DNAJC5: variants seen among roughly 807,000 people sequenced by gnomAD.
DNAJC5 encodes DnaJ heat shock protein family (Hsp40) member C5.
Under a neutral mutation model 23.2 loss-of-function variants are expected in DNAJC5, and 1 was observed. That is an observed-to-expected ratio of 0.04 (90% CI 0.02 to 0.20). DNAJC5 has a LOEUF of 0.20. DNAJC5 is among the 10% of genes least tolerant of loss of function. DNAJC5 has a pLI of 1.00. For synonymous variants in DNAJC5, 136 were observed against 120.0 expected (o/e 1.13, Z -0.87); for missense variants, 180 against 267.0 (o/e 0.67, Z 2.27).
Position 63,923,762 on chromosome 20 carries a change from G to C in DNAJC5, c.-11-4573G>C, listed in dbSNP as rs147241600. Among the ~76,000 whole-genome samples, 369 of 152,302 alleles carry C rather than the reference G, an allele frequency of 2.4e-3. 1 individual carries two copies. Among genetic ancestry groups the C allele is most frequent in the African/African-American group, 7.9e-3 (330 of 41,568 alleles). On this transcript the variant is annotated intron_variant, in intron 1 of 4. Coordinates refer to ENST00000360864, the MANE Select transcript of DNAJC5 (RefSeq NM_025219.3). ...TAACATTTTCTCAGCTTTATGTGTT[G>C]AGTGATTTTGGATTCTATCCTGAAA...
intron 1 of DNAJC5, among the ~76,000 whole-genome samples, chr20:63,918,449 G>T (rs1031692815): frequency 1.3e-5 from 2 of 152,198 alleles, no homozygotes; most frequent in African/African-American, 4.8e-5. Context: ...GGATAAACAT[G>T]AGGTAATTTT....
rs34011099 is a variant in DNAJC5 at position 63,913,012 on chromosome 20, A to AT, written c.-11-15311dup. On this transcript the variant is annotated intron_variant, in intron 1 of 4. Coordinates refer to ENST00000360864, the MANE Select transcript of DNAJC5 (RefSeq NM_025219.3). ...ATTTTTCGTATTTGTATTTTTAGCA[A>AT]TTTTTTTTTTTTGTATAGAATGAGC... Among the ~76,000 whole-genome samples the AT allele has an allele frequency of 8.6e-3, 1,248 of 144,564 alleles. 17 individuals carry two copies. The highest frequency in any genetic ancestry group is 0.048 in the East Asian group (239 of 4,940). 94.8% of individuals were successfully genotyped at this position (144,564 alleles called of 152,430 possible).
At chr20:63,913,427 C>T (rs1262430745) in intron 1 of DNAJC5, among the ~76,000 whole-genome samples, 3 of 150,972 alleles carry the variant, frequency 2.0e-5, no homozygotes, top group East Asian at 1.9e-4. Context: ...GACAGAGTCT[C>T]GCTCTGTTGC....
intron 1 of DNAJC5, among the ~76,000 whole-genome samples, chr20:63,896,320 G>T (rs1167318336): frequency 6.6e-6 from 1 of 152,202 alleles, no homozygotes; most frequent in Non-Finnish European, 1.5e-5. Context: ...GAAATTAGAA[G>T]CCTGGATCTA....
intron 1 of DNAJC5, among the ~76,000 whole-genome samples, chr20:63,915,115 TG>T (rs762703874): frequency 6.6e-6 from 1 of 152,146 alleles, no homozygotes; most frequent in Non-Finnish European, 1.5e-5. Flanking sequence ...CCTGGGGCAC[TG>T]GGTGGGCCTC....
chr20:63,904,845 C>T lies in DNAJC5; in HGVS notation c.-12+9522C>T, dbSNP rs192829091. ...TGAGACAAAGTCTCGCTGTTGTACC[C>T]CAGGCTGGAGTGCAACGGCGCGATC... On this transcript the variant is annotated intron_variant, in intron 1 of 4. Transcript: ENST00000360864. 9.8e-5 allele frequency among the ~76,000 whole-genome samples: 15 copies of T among 152,296 alleles called. No homozygotes were observed. In the East Asian group the frequency reaches 1.7e-3, roughly 18 times the overall value.
At chr20:63,925,438 A>G (rs1447343973) in intron 1 of DNAJC5, among the ~76,000 whole-genome samples, 2 of 152,162 alleles carry the variant, frequency 1.3e-5, no homozygotes, top group African/African-American at 4.8e-5. Flanking sequence ...AACTGAGGTC[A>G]CACCACTGCA....
At chr20:63,915,724 G>T (rs6062582) in intron 1 of DNAJC5, among the ~76,000 whole-genome samples, 8,322 of 152,230 alleles carry the variant, frequency 0.055, 445 homozygotes, top group East Asian at 0.23. Flanking sequence ...TTGGCACACC[G>T]CCTCAGGCTG....
chr20:63,922,645 C>T (rs1335947971), intron 1 of DNAJC5, among the ~76,000 whole-genome samples: 1 of 152,072 alleles, frequency 6.6e-6, no homozygotes, highest in East Asian at 1.9e-4. Context: ...TGGCTCACGC[C>T]TGTAGTCCCA....
Position 63,900,576 on chromosome 20 carries a change from C to CAAAAAAAA in DNAJC5, c.-12+5269_-12+5276dup, listed in dbSNP as rs752326573. The stretch of plus-strand genomic sequence containing the variant: ...TGGGCGACAGAGCAAGACACTGTCT[C>CAAAAAAAA]AAAAAAAAAAAAAAAAAAAAAAAGG... On this transcript the variant is annotated intron_variant, in intron 1 of 4. Coordinates refer to ENST00000360864, the MANE Select transcript of DNAJC5 (RefSeq NM_025219.3). Among the ~76,000 whole-genome samples, 35 of 65,264 alleles carry CAAAAAAAA rather than the reference C, an allele frequency of 5.4e-4. 2 individuals carry two copies. Among genetic ancestry groups the CAAAAAAAA allele is most frequent in the African/African-American group, 1.9e-3 (29 of 15,394 alleles). 42.8% of individuals were successfully genotyped at this position (65,264 alleles called of 152,430 possible). A position where few individuals can be genotyped will look rare whatever the true frequency, so the allele number is the denominator to read the frequency against.
chr20:63,902,714 C>G (rs539051628), intron 1 of DNAJC5, among the ~76,000 whole-genome samples: 2 of 126,782 alleles, frequency 1.6e-5, no homozygotes, highest in Admixed American at 1.9e-4. Context: ...CTTGCTCTGT[C>G]GCCCAGGCTG....
rs753100030 is a variant in DNAJC5, at chr20:63,928,384, G to A, written c.39G>A (p.Gly13=). 1.2e-6 allele frequency: 2 copies of A among 1,613,966 alleles called. No individual in the cohort carries two copies. The highest frequency in any genetic ancestry group is 1.3e-5 in the African/African-American group (1 of 75,008). ...DQRQRSLSTS[G]ESLYHVLGLD... Reference sequence around the variant, plus strand: ...GACAGCGCTCACTGTCTACCTCTGGGGAGTCATTGTACCACGTCCTTGGGT... The same window carrying A: ...GACAGCGCTCACTGTCTACCTCTGGAGAGTCATTGTACCACGTCCTTGGGT... Residue 13 remains glycine, a synonymous_variant, in exon 2 of 5, where the codon GGG becomes GGA. Coordinates refer to ENST00000360864, the MANE Select transcript of DNAJC5 (RefSeq NM_025219.3). This position sits in a 1 kb window ranked among gnomAD's most constrained non-coding sequence, Gnocchi z 4.6.
chr20:63,928,499 TGCCCC>T lies in DNAJC5; in HGVS notation c.107+49_107+53del. 1 of 1,490,880 alleles carries T rather than the reference TGCCCC, an allele frequency of 6.7e-7. No homozygotes were observed. The highest frequency in any genetic ancestry group is 9.4e-7 in the Non-Finnish European group (1 of 1,068,524). 92.4% of individuals were successfully genotyped at this position (1,490,880 alleles called of 1,614,324 possible). A position where few individuals can be genotyped will look rare whatever the true frequency, so the allele number is the denominator to read the frequency against. ...CCACATCCCCCCAGGAAGACACACA[TGCCCC>T]GTGTGGTTTAGTCTGCATTTTACCA... On this transcript the variant is annotated intron_variant, in intron 2 of 4. Coordinates refer to ENST00000360864, the MANE Select transcript of DNAJC5 (RefSeq NM_025219.3). The surrounding 1 kb of genome is among the most constrained non-coding windows in gnomAD (Gnocchi z 4.6).
chr20:63,899,610 C>T (rs1429480811), intron 1 of DNAJC5, among the ~76,000 whole-genome samples: 1 of 152,200 alleles, frequency 6.6e-6, no homozygotes, highest in East Asian at 1.9e-4. Context: ...GAGACGGAGT[C>T]TCATTCTCTC....
chr20:63,922,762 C>T (rs1243753390), intron 1 of DNAJC5, among the ~76,000 whole-genome samples: 2 of 151,040 alleles, frequency 1.3e-5, no homozygotes, highest in Non-Finnish European at 3.0e-5. Context: ...AGAGCAAGAC[C>T]CTGTCTCCAA....
In DNAJC5 at chr20:63,933,547, C is replaced by T. The variant is rs1205026083; in HGVS notation, c.*1979C>T. 7 of 152,306 alleles carry T rather than the reference C, an allele frequency of 4.6e-5. No individual in the cohort carries two copies. Among genetic ancestry groups the T allele is most frequent in the Non-Finnish European group, 1.0e-4 (7 of 68,034 alleles). The allele number at this position is 152,306 out of a possible 1,614,324, so 9.4% of individuals were successfully genotyped here. On this transcript the variant is annotated 3_prime_UTR_variant, in exon 5 of 5. Coordinates refer to ENST00000360864, the MANE Select transcript of DNAJC5 (RefSeq NM_025219.3). The stretch of plus-strand genomic sequence containing the variant: ...TAGAAATAATTTATCAAAATCAGAC[C>T]TCTCCTAAAAGAATAAGAAATTCAT...
chr20:63,931,547 C>T lies in DNAJC5; in HGVS notation c.576C>T (p.Tyr192=). 6.3e-7 allele frequency: 1 copy of T among 1,579,296 alleles called. No homozygotes were observed. The highest frequency in any genetic ancestry group is 8.6e-7 in the Non-Finnish European group (1 of 1,166,726). Residue 192 remains tyrosine, a synonymous_variant, in exon 5 of 5, where the codon TAC becomes TAT. Coordinates refer to ENST00000360864, the MANE Select transcript of DNAJC5 (RefSeq NM_025219.3). The surrounding 1 kb of genome is among the most constrained non-coding windows in gnomAD (Gnocchi z 9.6). ...TCACAGCCGACTCCCACCCCAGCTACCACACTGACGGGTTCAACTAAATCC... is the reference window on the plus strand; with the variant it reads ...TCACAGCCGACTCCCACCCCAGCTATCACACTGACGGGTTCAACTAAATCC... ...TQLTADSHPS[Y]HTDGFN
chr20:63,901,592 A>G (rs2053412833), intron 1 of DNAJC5, among the ~76,000 whole-genome samples: 2 of 152,198 alleles, frequency 1.3e-5, no homozygotes, highest in Admixed American at 6.6e-5. Flanking sequence ...AGAGGCCTCT[A>G]CCCCGGACGA....
At position 63,935,651 on chromosome 20, in the gene DNAJC5, TCCACACAGCA is replaced by T. The variant is rs2053711833; in HGVS notation, c.*4088_*4097del. 1 of 152,042 alleles carries T rather than the reference TCCACACAGCA, an allele frequency of 6.6e-6. No individual in the cohort carries two copies. The highest frequency in any genetic ancestry group is 1.5e-5 in the Non-Finnish European group (1 of 67,998). 9.4% of individuals were successfully genotyped at this position (152,042 alleles called of 1,614,324 possible). ...TGGCCCCGGGTCCGCCCCAGAGGAG[TCCACACAGCA>T]CCACCTCCAGAAGGGGCTGGGCCCG... On this transcript the variant is annotated 3_prime_UTR_variant, in exon 5 of 5. Transcript: ENST00000360864.
Sources: allele counts gnomAD v4.1 joint callset (sites outside exome capture counted in the v4.1 genomes callset), GRCh38; gene constraint gnomAD v4.1.1; non-coding constraint Gnocchi (gnomAD v3.1); transcripts MANE v1.5; gene names NCBI Gene and HGNC (gene_info 2026-07-23, HGNC 2026-07-21).